The following RYR2 variants were observed in gnomAD, a reference collection of about 807,000 sequenced individuals.
The protein encoded by RYR2 is cardiac muscle ryanodine receptor-calcium release channel.
In RYR2, 227 loss-of-function variants were observed where a neutral mutation model predicts 601.1. That is an observed-to-expected ratio of 0.38 (90% CI 0.34 to 0.42). The LOEUF is 0.42. Among genes scored for constraint, RYR2 ranks in the 10% least tolerant of loss-of-function variants. The probability of loss-of-function intolerance (pLI) is 1.00; values close to 1 mark genes in which losing one functional copy is unlikely to be tolerated. For missense variants in RYR2, 4,646 were observed against 6,156.5 expected (o/e 0.75, Z 8.21); for synonymous variants, 2,223 against 2,175.1 (o/e 1.02, Z -0.61).
intron 1 of RYR2, among the ~76,000 whole-genome samples, chr1:237,107,532 A>AAAAAAAAAAAAAAAAAC (rs1668869500): frequency 6.7e-6 from 1 of 149,814 alleles, no homozygotes; most frequent in Non-Finnish European, 1.5e-5. Flanking sequence ...AAAAAAAAAA[A>AAAAAAAAAAAAAAAAAC]AAAAGGAAAC....
intron 4 of RYR2, among the ~76,000 whole-genome samples, chr1:237,363,140 A>T (rs1699919453): frequency 6.6e-6 from 1 of 152,006 alleles, no homozygotes; most frequent in Non-Finnish European, 1.5e-5. Flanking sequence ...GTGCTGTACC[A>T]AAATGTTAGG....
chr1:237,664,541 A>G (rs1174085210), intron 56 of RYR2, among the ~76,000 whole-genome samples: 5 of 152,192 alleles, frequency 3.3e-5, no homozygotes, highest in Non-Finnish European at 7.4e-5. Context: ...GAACCAAGTG[A>G]GAGGGGTTTC....
chr1:237,069,921 T>C (rs1664097700), intron 1 of RYR2, among the ~76,000 whole-genome samples: 1 of 152,182 alleles, frequency 6.6e-6, no homozygotes, highest in Non-Finnish European at 1.5e-5. Context: ...ATGATGTGAC[T>C]AAATATTTTC....
chr1:237,506,809 G>A lies in RYR2; in HGVS notation c.2713G>A (p.Gly905Ser). ...TAAAATTGAGCTTGGCTGGCAGTAT[G>A]GTCCGGTATGTAATTTTGAAATTTA... ...MNKIELGWQYGPVRDDNKRQH... is the reference protein window; with the variant it reads ...MNKIELGWQYSPVRDDNKRQH... Residue 905 changes from glycine (G) to serine (S), a missense_variant, in exon 23 of 105, where the codon GGT becomes AGT. By Grantham distance (56) the Gly-to-Ser change is moderately conservative. Around this residue, in one of 17 missense-constraint regions of RYR2, gnomAD observed 1,807 missense variants for 2,088.1 expected, o/e 0.87. Transcript: ENST00000366574. The A allele has an allele frequency of 6.2e-7, 1 of 1,611,082 alleles. No homozygotes were observed. The highest frequency in any genetic ancestry group is 8.5e-7 in the Non-Finnish European group (1 of 1,177,446).
In RYR2 at chr1:237,454,506, T is replaced by G. The variant is rs1278315981; in HGVS notation, c.1408T>G (p.Leu470Val). ...CTACTTCCACCCCCCAGATGAGCAT[T>G]TAGAGCATGAAGACAAACAGAACAG... ...IGYFHPPDEH[L>V]EHEDKQNRLR... Residue 470 changes from leucine to valine, a missense_variant, in exon 15 of 105, where the codon TTA (leucine) becomes GTA (valine). Leu to Val is a conservative substitution (Grantham distance 32). Around this residue, in one of 17 missense-constraint regions of RYR2, gnomAD observed 1,807 missense variants for 2,088.1 expected, o/e 0.87. Coordinates refer to ENST00000366574, the MANE Select transcript of RYR2 (RefSeq NM_001035.3). 1 of 1,613,420 alleles carries G rather than the reference T, an allele frequency of 6.2e-7. No homozygotes were observed. The highest frequency in any genetic ancestry group is 8.5e-7 in the Non-Finnish European group (1 of 1,179,674).
intron 23 of RYR2, among the ~76,000 whole-genome samples, chr1:237,510,660 T>C (rs556049428): frequency 2.0e-5 from 3 of 152,218 alleles, no homozygotes; most frequent in Non-Finnish European, 4.4e-5. Context: ...CCTTCTCATG[T>C]GGCATTTTTA....
At chr1:237,099,934 G>A (rs1362249920) in intron 1 of RYR2, among the ~76,000 whole-genome samples, 1 of 152,146 alleles carries the variant, frequency 6.6e-6, no homozygotes, top group Non-Finnish European at 1.5e-5. Flanking sequence ...AAGCTGAACT[G>A]GGATATGAAC....
In RYR2 at chr1:237,163,870, C is replaced by T. The variant is rs149976845; in HGVS notation, c.49-106627C>T. Among the ~76,000 whole-genome samples the T allele has an allele frequency of 1.2e-4, 19 of 152,356 alleles. No individual in the cohort carries two copies. The East Asian group carries it at 2.9e-3, about 23-fold the overall frequency. On this transcript the variant is annotated intron_variant, in intron 1 of 104. Coordinates refer to ENST00000366574, the MANE Select transcript of RYR2 (RefSeq NM_001035.3). ...GCTAAGGGACCGCCAAGGCGGTCTCCGGGTGCCTGACTGCTCACCCAGGCT... is the reference window on the plus strand; with the variant it reads ...GCTAAGGGACCGCCAAGGCGGTCTCTGGGTGCCTGACTGCTCACCCAGGCT...
intron 14 of RYR2, 24 bp from the exon 15 acceptor site, chr1:237,454,367 A>G: frequency 6.4e-7 from 1 of 1,568,632 alleles, no homozygotes; most frequent in Non-Finnish European, 8.6e-7. Flanking sequence ...CTGACAATAG[A>G]GAAATGTTTA....
In RYR2 at chr1:237,106,818, G is replaced by T. The variant is rs542696069; in HGVS notation, c.48+64249G>T. ...GCCAGCAATTTGGTGTCTGGTGAAG[G>T]CTCGCTTCCTGGTTCATAGGCGGCT... On this transcript the variant is annotated intron_variant, in intron 1 of 104. Transcript: ENST00000366574. This position sits in a 1 kb window ranked among gnomAD's most constrained non-coding sequence, Gnocchi z 4.4. 2.0e-5 allele frequency among the ~76,000 whole-genome samples: 3 copies of T among 152,176 alleles called. No homozygotes were observed. The highest frequency in any genetic ancestry group is 6.5e-5 in the Admixed American group (1 of 15,284).
intron 1 of RYR2, among the ~76,000 whole-genome samples, chr1:237,248,296 C>T (rs1317642188): frequency 2.7e-5 from 3 of 109,216 alleles, no homozygotes; most frequent in African/African-American, 7.4e-5. Context: ...CCCCCCCCCC[C>T]CCCAAAAATG....
intron 17 of RYR2, among the ~76,000 whole-genome samples, chr1:237,478,948 T>A (rs1486156306): frequency 6.6e-6 from 1 of 152,212 alleles, no homozygotes. Context: ...AACTCTCTCA[T>A]GTAAATAGGC....
intron 24 of RYR2, among the ~76,000 whole-genome samples, chr1:237,513,147 C>T (rs1416779815): frequency 2.6e-5 from 4 of 152,180 alleles, no homozygotes; most frequent in Admixed American, 6.5e-5. Context: ...GCCAGTTGAC[C>T]TCTTGACTTT....
intron 62 of RYR2, among the ~76,000 whole-genome samples, chr1:237,685,550 C>T (rs1216683567): frequency 6.6e-6 from 1 of 152,266 alleles, no homozygotes; most frequent in Admixed American, 6.5e-5. Context: ...GAATGTTTCA[C>T]TCTGGATACT....
chr1:237,709,498 G>A lies in RYR2; in HGVS notation c.10161G>A (p.Glu3387=), dbSNP rs1391492847. ...VDYNRAKWLK[E]PNPEAEELFR... Reference sequence around the variant, plus strand: ...GATCCAGGGCAAAGTGGCTAAAGGAGCCTAACCCAGAAGCAGAGGAGCTCT... The same window carrying A: ...GATCCAGGGCAAAGTGGCTAAAGGAACCTAACCCAGAAGCAGAGGAGCTCT... The change falls in exon 70 of 105, where the codon GAG becomes GAA. Residue 3387 remains glutamate, a synonymous_variant. Coordinates refer to ENST00000366574, the MANE Select transcript of RYR2 (RefSeq NM_001035.3). The A allele has an allele frequency of 4.3e-6, 7 of 1,611,378 alleles. No homozygotes were observed. Among genetic ancestry groups the A allele is most frequent in the South Asian group, 3.3e-5 (3 of 90,614 alleles).
At position 237,650,061 on chromosome 1, in the gene RYR2, G is replaced by A. The variant is rs532016557; in HGVS notation, c.7697G>A (p.Arg2566Gln). 1.2e-5 allele frequency: 20 copies of A among 1,613,834 alleles called. No homozygotes were observed. Among genetic ancestry groups the A allele is most frequent in the East Asian group, 2.2e-5 (1 of 44,896 alleles). ...GGCTGTTCACTTACCAAAGCTCAGC[G>A]GGATTCCATAGAAGTTTGTTTACTC... ...SKGCSLTKAQ[R>Q]DSIEVCLLSI... The change falls in exon 50 of 105, where the codon CGG becomes CAG. Residue 2566 changes from arginine to glutamine, a missense_variant. Physicochemically the swap from Arg to Gln is conservative, Grantham distance 43. Transcript: ENST00000366574.
At chr1:237,121,373 A>G (rs1312478792) in intron 1 of RYR2, among the ~76,000 whole-genome samples, 1 of 152,180 alleles carries the variant, frequency 6.6e-6, no homozygotes, top group Non-Finnish European at 1.5e-5. Context: ...TCTTCCATTC[A>G]GATAAAAAGA....
At chr1:237,825,881 AGAC>A (rs1435873027) in intron 101 of RYR2, among the ~76,000 whole-genome samples, 7 of 152,216 alleles carry the variant, frequency 4.6e-5, no homozygotes, top group African/African-American at 1.2e-4. Context: ...ACTTCTCAAA[AGAC>A]GACATTTATG....
At chr1:237,475,584 A>G (rs1661311263) in intron 17 of RYR2, among the ~76,000 whole-genome samples, 1 of 152,230 alleles carries the variant, frequency 6.6e-6, no homozygotes, top group Non-Finnish European at 1.5e-5. Context: ...AAAATTATAC[A>G]GAGACACATT....
Sources: gnomAD v4.1 joint callset for allele counts (sites outside exome capture counted in the v4.1 genomes callset) on GRCh38, gnomAD v4.1.1 for gene constraint, gnomAD v4.1.1 regional missense constraint, Gnocchi (gnomAD v3.1) non-coding constraint, MANE v1.5 for transcripts, NCBI Gene and HGNC (gene_info 2026-07-23, HGNC 2026-07-21) for gene names.